Variants in KIAA0825 observed in about 807,000 individuals in gnomAD.
The protein encoded by KIAA0825 is KIAA0825.
A neutral mutation model predicts 147.6 loss-of-function variants in KIAA0825; 119 were observed. The ratio of observed to expected loss-of-function variants is 0.81; its 90% CI spans 0.69 to 0.94. KIAA0825 has a LOEUF of 0.94. Among genes scored for constraint, KIAA0825 ranks in the 40% least tolerant of loss-of-function variants. The pLI is 0.00. For missense variants in KIAA0825, 1,381 were observed against 1,472.7 expected (o/e 0.94, Z 1.02); for synonymous variants, 470 against 518.1 (o/e 0.91, Z 1.26).
At chr5:94,171,560 T>G (rs1169928505) in intron 20 of KIAA0825, among the ~76,000 whole-genome samples, 4 of 152,174 alleles carry the variant, frequency 2.6e-5, no homozygotes, top group Non-Finnish European at 5.9e-5. Flanking sequence ...TGGCAAGTAA[T>G]AGGTACCCAA....
At chr5:94,384,257 T>G in intron 20 of KIAA0825, 111 bp downstream of exon 20, 1 of 736,060 alleles carries the variant, frequency 1.4e-6, no homozygotes, top group East Asian at 2.8e-5. Flanking sequence ...TAAAATGTTT[T>G]CACTTTTCCC....
intron 20 of KIAA0825, among the ~76,000 whole-genome samples, chr5:94,326,640 G>C (rs988544529): frequency 6.6e-6 from 1 of 152,296 alleles, no homozygotes; most frequent in Non-Finnish European, 1.5e-5. Context: ...TCACTGACCT[G>C]TTATGGCCTC....
chr5:94,521,366 A>T lies in KIAA0825; in HGVS notation c.301-449T>A, dbSNP rs181994330. Among the ~76,000 whole-genome samples, 12 of 151,924 alleles carry T rather than the reference A, an allele frequency of 7.9e-5. No individual in the cohort carries two copies. In the East Asian group the frequency reaches 2.1e-3, roughly 27 times the overall value. Reference sequence around the variant, plus strand: ...AGTACACTTATTATTATAAAACCCCAAATGAACATATCATACAATACTTTA... The same window carrying T: ...AGTACACTTATTATTATAAAACCCCTAATGAACATATCATACAATACTTTA... On this transcript the variant is annotated intron_variant, in intron 4 of 20. Transcript: ENST00000682413.
chr5:94,172,006 G>T (rs879250455), intron 20 of KIAA0825, among the ~76,000 whole-genome samples: 4 of 152,084 alleles, frequency 2.6e-5, no homozygotes, highest in African/African-American at 9.7e-5. Flanking sequence ...AGGATTCCAC[G>T]CTGAAGATAG....
At chr5:94,399,847 G>C (rs1200243638) in intron 16 of KIAA0825, among the ~76,000 whole-genome samples, 1 of 151,776 alleles carries the variant, frequency 6.6e-6, no homozygotes, top group African/African-American at 2.4e-5. Context: ...CAATAAAGGA[G>C]GTAAAGAAAA....
chr5:94,457,808 G>A (rs969934432), intron 12 of KIAA0825, among the ~76,000 whole-genome samples: 4 of 152,178 alleles, frequency 2.6e-5, no homozygotes, highest in Non-Finnish European at 5.9e-5. Context: ...GCCCTCCCCA[G>A]GAGAAACGGG....
chr5:94,281,977 C>T (rs1239920852), intron 20 of KIAA0825, among the ~76,000 whole-genome samples: 1 of 152,066 alleles, frequency 6.6e-6, no homozygotes, highest in Non-Finnish European at 1.5e-5. Flanking sequence ...CGGATGATCC[C>T]ATCCCATACC....
intron 15 of KIAA0825, among the ~76,000 whole-genome samples, chr5:94,404,186 T>C (rs1751748118): frequency 6.6e-6 from 1 of 152,154 alleles, no homozygotes; most frequent in South Asian, 2.1e-4. Context: ...ATGCAAAGGA[T>C]ATAAGAAAAA....
intron 5 of KIAA0825, among the ~76,000 whole-genome samples, chr5:94,502,742 A>G (rs895289332): frequency 6.6e-6 from 1 of 152,234 alleles, no homozygotes; most frequent in African/African-American, 2.4e-5. Context: ...ACTTTATTTC[A>G]GACCATCAAT....
At chr5:94,322,442 C>T (rs1248500670) in intron 20 of KIAA0825, among the ~76,000 whole-genome samples, 3 of 151,942 alleles carry the variant, frequency 2.0e-5, no homozygotes, top group South Asian at 2.1e-4. Flanking sequence ...GGCCAACATC[C>T]GTTAAACATA....
intron 20 of KIAA0825, among the ~76,000 whole-genome samples, chr5:94,240,045 G>A (rs1335257192): frequency 6.6e-6 from 1 of 152,160 alleles, no homozygotes; most frequent in African/African-American, 2.4e-5. Context: ...ATATTAAACT[G>A]CCATTCATAA....
chr5:94,256,403 T>A lies in KIAA0825; in HGVS notation c.3711-102279A>T, dbSNP rs895594904. 2.0e-5 allele frequency among the ~76,000 whole-genome samples: 3 copies of A among 152,294 alleles called. No individual in the cohort carries two copies. In the South Asian group the frequency reaches 6.2e-4, roughly 32 times the overall value. ...AGCAGTTAGGATAATCACTATCTTTTCTTGTATATGAATATTCTGTGCAAG... is the reference window on the plus strand; with the variant it reads ...AGCAGTTAGGATAATCACTATCTTTACTTGTATATGAATATTCTGTGCAAG... On this transcript the variant is annotated intron_variant, in intron 20 of 20. Transcript: ENST00000682413.
In KIAA0825 at chr5:94,187,408, T is replaced by TG. The variant is rs1337529286; in HGVS notation, c.3711-33285_3711-33284insC. Among the ~76,000 whole-genome samples the TG allele has an allele frequency of 8.0e-5, 12 of 149,148 alleles. 1 individual carries two copies. The highest frequency in any genetic ancestry group is 1.2e-4 in the African/African-American group (5 of 40,880). On this transcript the variant is annotated intron_variant, in intron 20 of 20. Coordinates refer to ENST00000682413, the MANE Select transcript of KIAA0825 (RefSeq NM_001145678.3). ...AGAAATCTGAGAGAAAGGAGTTTTTTTTTTTTTTTTTTTTTAATTTTTTTT... is the reference window on the plus strand; with the variant it reads ...AGAAATCTGAGAGAAAGGAGTTTTTTGTTTTTTTTTTTTTTTAATTTTTTTT...
chr5:94,425,043 C>A (rs1754673529), intron 14 of KIAA0825, among the ~76,000 whole-genome samples: 1 of 152,120 alleles, frequency 6.6e-6, no homozygotes, highest in African/African-American at 2.4e-5. Context: ...GGTTTCACTG[C>A]CAAATTCTGC....
At chr5:94,431,619 A>G (rs1755676736) in intron 14 of KIAA0825, among the ~76,000 whole-genome samples, 1 of 152,238 alleles carries the variant, frequency 6.6e-6, no homozygotes, top group African/African-American at 2.4e-5. Context: ...AAAGGTGACT[A>G]ACAGATGCCA....
intron 3 of KIAA0825, among the ~76,000 whole-genome samples, chr5:94,530,102 T>C (rs1439071280): frequency 6.6e-6 from 1 of 151,822 alleles, no homozygotes. Flanking sequence ...GAAACCCGTC[T>C]CTACTAAAAA....
At chr5:94,362,636 T>C (rs1268592661) in intron 20 of KIAA0825, among the ~76,000 whole-genome samples, 1 of 140,614 alleles carries the variant, frequency 7.1e-6, no homozygotes, top group Non-Finnish European at 1.7e-5. Flanking sequence ...GTAACTTGCA[T>C]GAACCTCTAT....
intron 5 of KIAA0825, among the ~76,000 whole-genome samples, chr5:94,495,635 T>C (rs1369346357): frequency 6.6e-6 from 1 of 152,226 alleles, no homozygotes; most frequent in Non-Finnish European, 1.5e-5. Flanking sequence ...CCGAGGCTCA[T>C]GAGAATAAAT....
At chr5:94,557,437 A>G (rs1182031700) in intron 2 of KIAA0825, among the ~76,000 whole-genome samples, 1 of 151,166 alleles carries the variant, frequency 6.6e-6, no homozygotes. Context: ...TCAATTATAC[A>G]ACATACAGAT....
Sources: allele counts gnomAD v4.1 joint callset (sites outside exome capture counted in the v4.1 genomes callset), GRCh38; gene constraint gnomAD v4.1.1; transcripts MANE v1.5; gene names NCBI Gene and HGNC (gene_info 2026-07-23, HGNC 2026-07-21).